The following DAAM2 variants were observed in gnomAD, a reference collection of about 807,000 sequenced individuals.
DAAM2 encodes the protein disheveled-associated activator of morphogenesis 2.
In DAAM2, 39 loss-of-function variants were observed where a neutral mutation model predicts 120.7. The ratio of observed to expected loss-of-function variants is 0.32; its 90% CI spans 0.25 to 0.42. DAAM2 has a LOEUF of 0.42. Ranked by LOEUF, DAAM2 falls within the 10% of genes least tolerant of loss-of-function variation. The pLI, the probability that DAAM2 is intolerant of heterozygous loss-of-function variation, is 1.00. For synonymous variants in DAAM2, 488 were observed against 524.9 expected, an observed-to-expected ratio of 0.93 and a Z score of 0.96; for missense variants, 1,283 against 1,401.7, an observed-to-expected ratio of 0.92 and a Z score of 1.35.
At chr6:39,816,098 T>C (rs780018015) in intron 1 of DAAM2, among the ~76,000 whole-genome samples, 4 of 152,216 alleles carry the variant, frequency 2.6e-5, no homozygotes, top group Non-Finnish European at 5.9e-5. Flanking sequence ...GCTTTAGTGA[T>C]AGTTTTGGTT....
chr6:39,836,190 G>A (rs1763096528), intron 1 of DAAM2, among the ~76,000 whole-genome samples: 1 of 152,094 alleles, frequency 6.6e-6, no homozygotes, highest in South Asian at 2.1e-4. Context: ...TCTCAGTTCT[G>A]TGCACTGGCT....
chr6:39,806,656 G>C (rs1269272030), intron 1 of DAAM2, among the ~76,000 whole-genome samples: 2 of 152,170 alleles, frequency 1.3e-5, no homozygotes, highest in East Asian at 3.9e-4. Flanking sequence ...TCCTCTGCAA[G>C]TTTTCCAGTG....
chr6:39,891,933 T>A (rs1037547554), intron 19 of DAAM2, among the ~76,000 whole-genome samples: 5 of 152,234 alleles, frequency 3.3e-5, no homozygotes. Context: ...TTGTGACATG[T>A]TCCTTATGCC....
chr6:39,879,072 G>C (rs1382225642), intron 13 of DAAM2, 106 bp from the exon 14 acceptor site: 1 of 724,300 alleles, frequency 1.4e-6, no homozygotes, highest in Admixed American at 2.9e-5. Context: ...GGTAGGATTT[G>C]GGGCCTAGTA....
chr6:39,810,935 C>T (rs1188173324), intron 1 of DAAM2, among the ~76,000 whole-genome samples: 1 of 152,088 alleles, frequency 6.6e-6, no homozygotes, highest in Non-Finnish European at 1.5e-5. Context: ...GATCTAAAAC[C>T]CTTCCCCTCA....
chr6:39,886,991 TG>T (rs750457725), intron 15 of DAAM2: 1 of 154,832 alleles, frequency 6.5e-6, no homozygotes, highest in Non-Finnish European at 1.4e-5. Flanking sequence ...CTGGGCATCT[TG>T]GGCTGTGCCT....
rs774585937 is a variant in DAAM2 at position 39,855,838 on chromosome 6, A to G, written c.-56-409A>G. ...TCAGTTATCCCCAGACCCGGAAATG[A>G]ATCAAGTGAGTAAGTGAGCCTTGCT... On this transcript the variant is annotated intron_variant, in intron 1 of 24. Transcript: ENST00000274867. Among the ~76,000 whole-genome samples the G allele has an allele frequency of 2.2e-4, 34 of 152,336 alleles. 1 individual carries two copies. Among genetic ancestry groups the G allele is most frequent in the South Asian group, 6.2e-4 (3 of 4,824 alleles).
intron 21 of DAAM2, 47 bp from the exon 22 acceptor site, chr6:39,898,830 G>A: frequency 6.6e-7 from 1 of 1,525,990 alleles, no homozygotes; most frequent in Non-Finnish European, 9.0e-7. Flanking sequence ...GCACCTCAAG[G>A]CGGGAGTTGA....
At chr6:39,803,109 G>A (rs1761914834) in intron 1 of DAAM2, among the ~76,000 whole-genome samples, 1 of 152,196 alleles carries the variant, frequency 6.6e-6, no homozygotes, top group Admixed American at 6.5e-5. Context: ...TTTGAGTGGT[G>A]TCAAGTCTGG....
Position 39,904,197 on chromosome 6 carries a change from G to C in DAAM2, c.*2160G>C, listed in dbSNP as rs551555542. The C allele has an allele frequency of 6.2e-4, 285 of 456,764 alleles. No individual in the cohort carries two copies. The highest frequency in any genetic ancestry group is 2.5e-3 in the African/African-American group (124 of 50,218). 28.3% of individuals were successfully genotyped at this position (456,764 alleles called of 1,614,324 possible). The stretch of plus-strand genomic sequence containing the variant: ...CAAGATACATTTGATCTTCAGAAAA[G>C]CAGAATTTGGTTCAACTGTTGACAG... On this transcript the variant is annotated 3_prime_UTR_variant, in exon 25 of 25. Coordinates refer to ENST00000274867, the MANE Select transcript of DAAM2 (RefSeq NM_001201427.2).
At chr6:39,891,989 C>T (rs1582754733) in intron 19 of DAAM2, among the ~76,000 whole-genome samples, 1 of 152,140 alleles carries the variant, frequency 6.6e-6, no homozygotes, top group Non-Finnish European at 1.5e-5. Context: ...GACATCTGCC[C>T]CAGCATGGGA....
chr6:39,897,464 T>C (rs1209368709), intron 21 of DAAM2, 182 bp downstream of exon 21: 1 of 536,736 alleles, frequency 1.9e-6, no homozygotes, highest in African/African-American at 1.9e-5. Flanking sequence ...GAACAATGTA[T>C]TGCAAAAGAA....
At position 39,875,391 on chromosome 6, in the gene DAAM2, T is replaced by C; in HGVS notation, c.1224T>C (p.Ile408=). Residue 408 remains isoleucine (I), a synonymous_variant, in exon 11 of 25, where the codon ATT becomes ATC. Transcript: ENST00000274867. ...WQLLDRILQQ[I]VLQDERGVDP... is the part of the protein sequence containing the mutation. ...TCCTGGACCGCATCCTCCAGCAGAT[T>C]GTCCTCCAGGATGAGCGGGGTGTGG... 1 of 1,613,980 alleles carries C rather than the reference T, an allele frequency of 6.2e-7. No individual in the cohort carries two copies. The highest frequency in any genetic ancestry group is 1.1e-5 in the South Asian group (1 of 91,070).
intron 21 of DAAM2, among the ~76,000 whole-genome samples, chr6:39,898,642 C>T (rs1332333954): frequency 2.0e-5 from 3 of 152,180 alleles, no homozygotes; most frequent in African/African-American, 2.4e-5. Flanking sequence ...CATTTCTGAC[C>T]TGGAAAGATC....
chr6:39,867,380 A>G, intron 5 of DAAM2, 130 bp from the exon 6 acceptor site: 2 of 769,348 alleles, frequency 2.6e-6, no homozygotes, highest in Non-Finnish European at 4.2e-6. Context: ...TAGATAAACT[A>G]CGAATAAACC....
At chr6:39,849,239 T>A (rs1475252454) in intron 1 of DAAM2, among the ~76,000 whole-genome samples, 1 of 152,200 alleles carries the variant, frequency 6.6e-6, no homozygotes, top group Admixed American at 6.5e-5. Context: ...CTTAAATGAA[T>A]GTGCATGACT....
Position 39,901,594 on chromosome 6 carries a change from T to G in DAAM2, c.2982+122T>G. The G allele has an allele frequency of 8.5e-7, 1 of 1,176,176 alleles. No homozygotes were observed. The highest frequency in any genetic ancestry group is 1.2e-6 in the Non-Finnish European group (1 of 855,160). The allele number at this position is 1,176,176 out of a possible 1,614,324, so 72.9% of individuals were successfully genotyped here. A position where few individuals can be genotyped will look rare whatever the true frequency, so the allele number is the denominator to read the frequency against. On this transcript the variant is annotated intron_variant, in intron 24 of 24. Transcript: ENST00000274867. The surrounding 1 kb of genome is among the most constrained non-coding windows in gnomAD (Gnocchi z 4.5). ...AGGAACTGAGGAACACCATAGGGGT[T>G]GGATGTCAGCCCCAGGAGAGAGAAA... is the stretch of plus-strand genomic sequence containing the variant.
chr6:39,864,959 T>G, intron 4 of DAAM2, 21 bp from the exon 5 acceptor site: 1 of 1,586,478 alleles, frequency 6.3e-7, no homozygotes, highest in South Asian at 1.2e-5. Flanking sequence ...AGGCAGCCCC[T>G]TTCTACCTGC....
In DAAM2 at chr6:39,900,099, A is replaced by G. The variant is rs376671460; in HGVS notation, c.2702A>G (p.Gln901Arg). The G allele has an allele frequency of 1.9e-6, 3 of 1,600,586 alleles. No individual in the cohort carries two copies. The highest frequency in any genetic ancestry group is 1.6e-4 in the Middle Eastern group (1 of 6,072). Residue 901 changes from glutamine (Q) to arginine (R), a missense_variant, in exon 23 of 25, where the codon CAG becomes CGG. This residue lies in a region of DAAM2 where 748 missense variants were observed against 768.6 expected (regional missense o/e 0.97). Transcript: ENST00000274867. ...CAGGAGCTGGAGTATCAGAGGCGCC[A>G]GGTACGGGAGCCCAGTGACAAGTTT... ...VEVELEYQRRQVREPSDKFVP... is the reference protein window; with the variant it reads ...VEVELEYQRRRVREPSDKFVP...
Sources: gnomAD v4.1 joint callset for allele counts (sites outside exome capture counted in the v4.1 genomes callset) on GRCh38, gnomAD v4.1.1 for gene constraint, gnomAD v4.1.1 regional missense constraint, Gnocchi (gnomAD v3.1) non-coding constraint, MANE v1.5 for transcripts, NCBI Gene and HGNC (gene_info 2026-07-23, HGNC 2026-07-21) for gene names.